Variants in CP observed in about 807,000 individuals in gnomAD.
CP encodes ceruloplasmin, also known as caeruloplasmin.
In CP, 64 loss-of-function variants were observed where a neutral mutation model predicts 122.4. The observed-to-expected ratio is 0.52, with a 90% CI of 0.43 to 0.64. The LOEUF is 0.64. Ranked by LOEUF, CP falls within the 30% of genes least tolerant of loss-of-function variation. The pLI is 0.00. For synonymous variants in CP, 440 were observed against 436.4 expected, an observed-to-expected ratio of 1.01 and a Z score of -0.10; for missense variants, 1,167 against 1,284.4, an observed-to-expected ratio of 0.91 and a Z score of 1.40.
intron 6 of CP, among the ~76,000 whole-genome samples, chr3:149,205,704 C>CAGA (rs1451107103): frequency 6.6e-6 from 1 of 151,834 alleles, no homozygotes; most frequent in African/African-American, 2.4e-5. Flanking sequence ...CTCATAGAGA[C>CAGA]AGAAAGTAGA....
intron 2 of CP, among the ~76,000 whole-genome samples, chr3:149,210,701 C>T (rs964500838): frequency 1.3e-5 from 2 of 152,132 alleles, no homozygotes; most frequent in Non-Finnish European, 2.9e-5. Context: ...TTCAAAACTT[C>T]TTATATGATC....
chr3:149,186,312 T>G, intron 11 of CP: 1 of 599,066 alleles, frequency 1.7e-6, no homozygotes, highest in Non-Finnish European at 3.0e-6. Context: ...GTTCTTTTAC[T>G]CCACATTGTC....
intron 17 of CP, among the ~76,000 whole-genome samples, chr3:149,177,321 A>G (rs2108213060): frequency 6.6e-6 from 1 of 152,298 alleles, no homozygotes; most frequent in East Asian, 1.9e-4. Flanking sequence ...GCAGAACTCC[A>G]TGAAAATTCA....
intron 12 of CP, 98 bp from the exon 13 acceptor site, chr3:149,183,703 G>C (rs1363536581): frequency 1.2e-6 from 1 of 851,782 alleles, no homozygotes; most frequent in East Asian, 2.7e-5. Context: ...GTTTTTATTA[G>C]AGTAATTATA....
At chr3:149,181,975 C>CTGGGGGGGGGGGGGGG in intron 14 of CP, 30 bp downstream of exon 14, 1 of 1,088,426 alleles carries the variant, frequency 9.2e-7, no homozygotes, top group Non-Finnish European at 1.4e-6. Flanking sequence ...TGTTAAAATG[C>CTGGGGGGGGGGGGGGG]ACCACCCCCA....
At chr3:149,164,970 G>A (rs189562484) in intron 5 of CP, among the ~76,000 whole-genome samples, 1 of 152,282 alleles carries the variant, frequency 6.6e-6, no homozygotes, top group Admixed American at 6.5e-5. Flanking sequence ...TGGGAATGGG[G>A]CTTAGAGGAG....
At chr3:149,162,865 C>T (rs1724020030) in exon 6 of CP, 2 of 1,613,394 alleles carry the variant, frequency 1.2e-6, no homozygotes, top group South Asian at 1.1e-5. Flanking sequence ...CCATTGCGAA[C>T]ATCGGAGGAT....
Position 149,212,580 on chromosome 3 carries a change from A to G in CP, c.265T>C (p.Trp89Arg). Reference protein sequence around the residue: ...TFRTTIEKPVWLGFLGPIIKA... With the variant: ...TFRTTIEKPVRLGFLGPIIKA... ...ATAATAGGGCCTAAAAACCCAAGCC[A>G]GACCGGTTTTTCTATAGTTGTCCTA... Residue 89 changes from tryptophan to arginine, a missense_variant, in exon 2 of 19, where the codon TGG (tryptophan) becomes CGG (arginine). Around this residue, in one of 2 missense-constraint regions of CP, gnomAD observed 642 missense variants for 627.3 expected, o/e 1.02. Transcript: ENST00000264613. 6.2e-7 allele frequency: 1 copy of G among 1,614,048 alleles called. No homozygotes were observed. The highest frequency in any genetic ancestry group is 8.5e-7 in the Non-Finnish European group (1 of 1,179,962).
chr3:149,162,574 C>A, exon 6 of CP: 2 of 1,189,366 alleles, frequency 1.7e-6, no homozygotes, highest in Admixed American at 1.7e-5. Flanking sequence ...GGCGCTAATG[C>A]TAATGGTAAA....
chr3:149,208,214 G>T (rs1355124951), intron 4 of CP, among the ~76,000 whole-genome samples: 3 of 152,046 alleles, frequency 2.0e-5, no homozygotes, highest in African/African-American at 7.2e-5. Flanking sequence ...AGGCAAGGTG[G>T]CCTGAAACCC....
chr3:149,213,595 G>C (rs1453848679), intron 1 of CP, among the ~76,000 whole-genome samples: 2 of 151,308 alleles, frequency 1.3e-5, no homozygotes, highest in Non-Finnish European at 2.9e-5. Context: ...CACAACCAAG[G>C]CTCTTCCATT....
intron 3 of CP, 59 bp from the exon 4 acceptor site, chr3:149,209,443 G>T: frequency 6.6e-7 from 1 of 1,504,852 alleles, no homozygotes; most frequent in Non-Finnish European, 9.1e-7. Context: ...TTTGATTTAT[G>T]TTTTCAGGTG....
At chr3:149,216,539 G>C (rs1479258340) in intron 1 of CP, among the ~76,000 whole-genome samples, 1 of 152,134 alleles carries the variant, frequency 6.6e-6, no homozygotes, top group African/African-American at 2.4e-5. Flanking sequence ...CCTGTTCACA[G>C]GTTCTGGAGA....
rs756110621 is a variant in CP at position 149,196,350 on chromosome 3, A to T, written c.1713+2017T>A. 9.8e-5 allele frequency among the ~76,000 whole-genome samples: 15 copies of T among 152,342 alleles called. 1 individual carries two copies. Among genetic ancestry groups the T allele is most frequent in the South Asian group, 8.3e-4 (4 of 4,830 alleles). On this transcript the variant is annotated intron_variant, in intron 9 of 18. Coordinates refer to ENST00000264613, the MANE Select transcript of CP (RefSeq NM_000096.4). The stretch of plus-strand genomic sequence containing the variant: ...TAGAAAGTATAAGTATGAAATCATG[A>T]TGAATTTATCTGAAAAGTTTTTTCC...
chr3:149,191,739 A>G (rs1382754585), intron 9 of CP, among the ~76,000 whole-genome samples: 1 of 152,134 alleles, frequency 6.6e-6, no homozygotes, highest in Non-Finnish European at 1.5e-5. Flanking sequence ...ATGAATATTT[A>G]AGATGTCCAG....
chr3:149,164,591 A>G (rs1306559008), intron 5 of CP, among the ~76,000 whole-genome samples: 1 of 152,224 alleles, frequency 6.6e-6, no homozygotes, highest in African/African-American at 2.4e-5. Flanking sequence ...TAATTCCCAC[A>G]TCTGTTTTCT....
In CP at chr3:149,221,822, A is replaced by C; in HGVS notation, c.-30T>G. Reference sequence around the variant, plus strand: ...TTCCCCTTCTTGGAGCCTGAGAAGAAATGAAGTAAAATCAGGAGCAGGCAA... The same window carrying C: ...TTCCCCTTCTTGGAGCCTGAGAAGACATGAAGTAAAATCAGGAGCAGGCAA... On this transcript the variant is annotated 5_prime_UTR_variant, in exon 1 of 19. It adds an upstream start codon to the 5' untranslated region. Coordinates refer to ENST00000264613, the MANE Select transcript of CP (RefSeq NM_000096.4). 1 of 1,611,344 alleles carries C rather than the reference A, an allele frequency of 6.2e-7. No homozygotes were observed. The highest frequency in any genetic ancestry group is 1.1e-5 in the South Asian group (1 of 90,872).
chr3:149,199,416 G>A (rs1452777298), intron 8 of CP, among the ~76,000 whole-genome samples: 1 of 151,948 alleles, frequency 6.6e-6, no homozygotes. Context: ...ATTCTTATAA[G>A]AACTTTTTTA....
At chr3:149,217,722 A>G (rs1007106759) in intron 1 of CP, 3 of 188,030 alleles carry the variant, frequency 1.6e-5, no homozygotes, top group Non-Finnish European at 3.4e-5. Context: ...CTTTAAAAAT[A>G]TTTTATTTGC....
Sources: gnomAD v4.1 joint callset for allele counts (sites outside exome capture counted in the v4.1 genomes callset) on GRCh38, gnomAD v4.1.1 for gene constraint, gnomAD v4.1.1 regional missense constraint, MANE v1.5 for transcripts, NCBI Gene and HGNC (gene_info 2026-07-23, HGNC 2026-07-21) for gene names.